The following BCL2 variants were observed in gnomAD, a reference collection of about 807,000 sequenced individuals.
The protein encoded by BCL2 is BCL2 apoptosis regulator.
Under a neutral mutation model 14.2 loss-of-function variants are expected in BCL2, and 1 was observed. The ratio of observed to expected loss-of-function variants is 0.07; its 90% CI spans 0.02 to 0.33. BCL2 has a LOEUF of 0.33. Among genes scored for constraint, BCL2 ranks in the 10% least tolerant of loss-of-function variants. BCL2 has a pLI of 0.99. For synonymous variants in BCL2, 151 were observed against 137.2 expected, an observed-to-expected ratio of 1.10 and a Z score of -0.70; for missense variants, 247 against 305.9, an observed-to-expected ratio of 0.81 and a Z score of 1.44.
At chr18:63,292,879 C>A (rs1321428207) in intron 2 of BCL2, among the ~76,000 whole-genome samples, 3 of 152,244 alleles carry the variant, frequency 2.0e-5, no homozygotes, top group African/African-American at 7.2e-5. Context: ...GGCACGGGCC[C>A]AGAGACAGAA....
At position 63,127,105 on chromosome 18, in the gene BCL2, G is replaced by A. The variant is rs894956738; in HGVS notation, c.*1520C>T. 1 of 227,322 alleles carries A rather than the reference G, an allele frequency of 4.4e-6. No individual in the cohort carries two copies. The highest frequency in any genetic ancestry group is 6.3e-5 in the East Asian group (1 of 15,920). 14.1% of individuals were successfully genotyped at this position (227,322 alleles called of 1,614,324 possible). Reference sequence around the variant, plus strand: ...ACACCTGGAACTTTTTTTTTGTCAGGTTTTCAAATAAAACCAAACTACAGT... The same window carrying A: ...ACACCTGGAACTTTTTTTTTGTCAGATTTTCAAATAAAACCAAACTACAGT... On this transcript the variant is annotated 3_prime_UTR_variant, in exon 3 of 3. Transcript: ENST00000333681.
intron 2 of BCL2, among the ~76,000 whole-genome samples, chr18:63,136,398 T>G (rs569210781): frequency 9.8e-5 from 15 of 152,304 alleles, no homozygotes; most frequent in African/African-American, 3.6e-4. Flanking sequence ...TGGCATCAAG[T>G]AAACCTACAG....
chr18:63,242,902 C>A (rs79174694), intron 2 of BCL2, among the ~76,000 whole-genome samples: 2 of 152,060 alleles, frequency 1.3e-5, no homozygotes, highest in Non-Finnish European at 2.9e-5. Flanking sequence ...TGAAAGGGAA[C>A]GGAGAGGCGC....
At chr18:63,243,409 G>A (rs541739837) in intron 2 of BCL2, among the ~76,000 whole-genome samples, 1 of 152,236 alleles carries the variant, frequency 6.6e-6, no homozygotes, top group South Asian at 2.1e-4. Flanking sequence ...AATAACTAAT[G>A]AGTACTGGGC....
intron 2 of BCL2, among the ~76,000 whole-genome samples, chr18:63,171,371 G>A (rs992736157): frequency 2.0e-5 from 3 of 152,254 alleles, no homozygotes; most frequent in Admixed American, 2.0e-4. Context: ...CTAGCACGGT[G>A]TGAATGAGCC....
chr18:63,306,842 CT>C (rs11407054), intron 2 of BCL2, among the ~76,000 whole-genome samples: 427 of 140,814 alleles, frequency 3.0e-3, no homozygotes, highest in Middle Eastern at 3.6e-3. Flanking sequence ...TTTTTTTGTG[CT>C]TTTTTTTTTT....
intron 2 of BCL2, among the ~76,000 whole-genome samples, chr18:63,267,013 G>A (rs1599279650): frequency 6.6e-6 from 1 of 152,296 alleles, no homozygotes; most frequent in East Asian, 1.9e-4. Flanking sequence ...AGAGAAGCAG[G>A]GGAAACAGAG....
intron 2 of BCL2, among the ~76,000 whole-genome samples, chr18:63,162,754 A>G (rs551549957): frequency 5.9e-5 from 9 of 152,190 alleles, no homozygotes; most frequent in African/African-American, 2.2e-4. Flanking sequence ...AAGACACCAG[A>G]GCCTTCATTT....
intron 2 of BCL2, among the ~76,000 whole-genome samples, chr18:63,136,123 C>T (rs907584256): frequency 3.2e-4 from 49 of 152,304 alleles, no homozygotes; most frequent in Middle Eastern, 3.4e-3. Context: ...GATAAGTTCT[C>T]GATGCTGCCC....
chr18:63,256,864 A>C (rs1417269988), intron 2 of BCL2, among the ~76,000 whole-genome samples: 1 of 152,190 alleles, frequency 6.6e-6, no homozygotes, highest in Non-Finnish European at 1.5e-5. Context: ...CTACTCTATT[A>C]AAACCAGACA....
chr18:63,167,342 G>A (rs1915069724), intron 2 of BCL2, among the ~76,000 whole-genome samples: 1 of 151,844 alleles, frequency 6.6e-6, no homozygotes, highest in Non-Finnish European at 1.5e-5. Flanking sequence ...TAGCCTTCTA[G>A]GACATTTTAA....
At chr18:63,317,803 A>G in intron 2 of BCL2, 1 of 1,315,468 alleles carries the variant, frequency 7.6e-7, no homozygotes, top group Non-Finnish European at 9.7e-7. Flanking sequence ...CTGAAGGGGT[A>G]CCATTTACCA....
intron 2 of BCL2, among the ~76,000 whole-genome samples, chr18:63,220,432 C>T (rs1458769976): frequency 6.6e-6 from 1 of 152,216 alleles, no homozygotes; most frequent in Non-Finnish European, 1.5e-5. Context: ...TTTCTCCATA[C>T]AACATCGGTG....
At chr18:63,214,321 T>C (rs1260338037) in intron 2 of BCL2, among the ~76,000 whole-genome samples, 3 of 151,996 alleles carry the variant, frequency 2.0e-5, no homozygotes, top group Admixed American at 1.3e-4. Flanking sequence ...GTAGGGGAGG[T>C]GAGACAAACG....
chr18:63,133,181 A>G (rs998377131), intron 2 of BCL2, among the ~76,000 whole-genome samples: 4 of 152,212 alleles, frequency 2.6e-5, no homozygotes, highest in African/African-American at 9.6e-5. Context: ...CAGGCCAGGT[A>G]GGTGTGGACG....
chr18:63,271,408 T>C (rs1183661051), intron 2 of BCL2, among the ~76,000 whole-genome samples: 1 of 152,078 alleles, frequency 6.6e-6, no homozygotes, highest in Non-Finnish European at 1.5e-5. Flanking sequence ...GCAGTGGAAA[T>C]GAACAGATGG....
chr18:63,198,835 A>ACAGT (rs1909570322), intron 2 of BCL2, among the ~76,000 whole-genome samples: 2 of 149,506 alleles, frequency 1.3e-5, no homozygotes, highest in African/African-American at 2.5e-5. Context: ...AGACATACAC[A>ACAGT]GACACACATA....
At chr18:63,292,374 G>A (rs767709662) in intron 2 of BCL2, among the ~76,000 whole-genome samples, 6 of 152,132 alleles carry the variant, frequency 3.9e-5, no homozygotes, top group Non-Finnish European at 7.3e-5. Flanking sequence ...GCTTGGATGA[G>A]ACATGTTATG....
chr18:63,190,212 ACTGTTGAATCCACC>A (rs1335407097), intron 2 of BCL2, among the ~76,000 whole-genome samples: 10 of 152,176 alleles, frequency 6.6e-5, no homozygotes, highest in Non-Finnish European at 1.0e-4. Context: ...CCCATGTAAG[ACTGTTGAATCCACC>A]CTAAATAATA....
Sources: allele counts gnomAD v4.1 joint callset (sites outside exome capture counted in the v4.1 genomes callset), GRCh38; gene constraint gnomAD v4.1.1; transcripts MANE v1.5; gene names NCBI Gene and HGNC (gene_info 2026-07-23, HGNC 2026-07-21).